Variants in L3MBTL1 observed in about 807,000 individuals in gnomAD.
L3MBTL1 encodes the protein lethal(3)malignant brain tumor-like protein 1.
A neutral mutation model predicts 105.3 loss-of-function variants in L3MBTL1; 75 were observed. The ratio of observed to expected loss-of-function variants is 0.71; its 90% CI spans 0.59 to 0.86. The LOEUF is 0.86. Ranked by LOEUF, L3MBTL1 falls within the 40% of genes least tolerant of loss-of-function variation. The pLI is 0.00. For missense variants in L3MBTL1, 1,069 were observed against 1,126.4 expected (o/e 0.95, Z 0.73); for synonymous variants, 452 against 436.2 (o/e 1.04, Z -0.45).
intron 7 of L3MBTL1, among the ~76,000 whole-genome samples, chr20:43,522,365 TACAGAAA>T (rs574034579): frequency 6.1e-4 from 91 of 149,260 alleles, no homozygotes; most frequent in Non-Finnish European, 1.1e-3. Flanking sequence ...AAAAAAATGA[TACAGAAA>T]GAAGATATAA....
rs556344346 is a variant in L3MBTL1 at position 43,518,262 on chromosome 20, G to T, written c.862+2085G>T. ...TCAGAGTCTTCTGACAGAAGAATCT[G>T]GGGGGTGGGAATGGGGGTTGGGATT... On this transcript the variant is annotated intron_variant, in intron 7 of 21. Transcript: ENST00000418998. Among the ~76,000 whole-genome samples, 88 of 151,826 alleles carry T rather than the reference G, an allele frequency of 5.8e-4. 1 individual carries two copies. The highest frequency in any genetic ancestry group is 2.1e-3 in the African/African-American group (88 of 41,358).
chr20:43,539,175 C>G (rs2019781600), intron 19 of L3MBTL1: 1 of 152,352 alleles, frequency 6.6e-6, no homozygotes, highest in East Asian at 1.9e-4. Flanking sequence ...CAATCTGTGA[C>G]CAACAGGGAG....
rs778205488 is a variant in L3MBTL1, at chr20:43,532,828, T to C, written c.1340T>C (p.Met447Thr). ...ATGAAGCTGGAGGCTGTTGACCGCA[T>C]GAACCCGTCCCTTGTCTGCGTGGCC... The part of the protein sequence containing the change: ...VGMKLEAVDR[M>T]NPSLVCVASV... Residue 447 changes from methionine (M) to threonine (T), a missense_variant, in exon 12 of 22, where the codon ATG becomes ACG. Met to Thr is a moderately conservative substitution (Grantham distance 81, BLOSUM62 -1). Coordinates refer to ENST00000418998, the MANE Select transcript of L3MBTL1 (RefSeq NM_001377303.1). 6.2e-7 allele frequency: 1 copy of C among 1,614,220 alleles called. No homozygotes were observed. The highest frequency in any genetic ancestry group is 8.5e-7 in the Non-Finnish European group (1 of 1,180,030).
Position 43,540,262 on chromosome 20 carries a change from T to G in L3MBTL1, c.2285T>G (p.Val762Gly). 6.2e-7 allele frequency: 1 copy of G among 1,613,506 alleles called. No homozygotes were observed. The highest frequency in any genetic ancestry group is 8.5e-7 in the Non-Finnish European group (1 of 1,179,968). Reference sequence around the variant, plus strand: ...CAGCACTGCAAGCTCCTGCCAGGAGTAGCGGGCATCTCAGCCTCGACAGTC... The same window carrying G: ...CAGCACTGCAAGCTCCTGCCAGGAGGAGCGGGCATCTCAGCCTCGACAGTC... ...WEQHCKLLPG[V>G]AGISASTVAK... is the part of the protein sequence containing the mutation. Residue 762 changes from valine (V) to glycine (G), a missense_variant, in exon 20 of 22, where the codon GTA (valine) becomes GGA (glycine). Transcript: ENST00000418998.
chr20:43,540,396 AC>A, intron 20 of L3MBTL1, 88 bp downstream of exon 20: 6 of 1,423,536 alleles, frequency 4.2e-6, no homozygotes, highest in Non-Finnish European at 5.8e-6. Flanking sequence ...GTCAGGTAGA[AC>A]CCGGTACCAC....
At chr20:43,549,557 C>T (rs1319451803) in exon 19 of L3MBTL1, 1 of 152,352 alleles carries the variant, frequency 6.6e-6, no homozygotes, top group Admixed American at 6.5e-5. Flanking sequence ...CACTGCCAAA[C>T]CTGCCTCCCA....
rs1176059327 is a variant in L3MBTL1, at chr20:43,550,912, G to A, written c.*2667G>A. On this transcript the variant is annotated 3_prime_UTR_variant, in exon 19 of 19. Coordinates refer to the L3MBTL1 transcript ENST00000422861. ...AAACAAAATGTGGTGTGATCTGTCA[G>A]TGTATCAAAACAACATAAATAAACT... 2.0e-5 allele frequency: 3 copies of A among 152,340 alleles called. No individual in the cohort carries two copies. In the South Asian group the frequency reaches 6.2e-4, roughly 32 times the overall value. 9.4% of individuals were successfully genotyped at this position (152,340 alleles called of 1,614,324 possible). A position where few individuals can be genotyped will look rare whatever the true frequency, so the allele number is the denominator to read the frequency against.
At chr20:43,524,201 G>A (rs2018895423) in intron 7 of L3MBTL1, among the ~76,000 whole-genome samples, 2 of 152,098 alleles carry the variant, frequency 1.3e-5, no homozygotes, top group African/African-American at 4.8e-5. Context: ...CTAACTTCAT[G>A]AGACAGATTT....
Position 43,530,339 on chromosome 20 carries a change from T to G in L3MBTL1, c.1112T>G (p.Phe371Cys), listed in dbSNP as rs903257460. ...HFDGYSECHD[F>C]WVNANSPDIH... ...GATGGGTATTCTGAGTGCCATGACT[T>G]CTGGGTCAATGCCAACTCCCCTGAC... The change falls in exon 10 of 22, where the codon TTC becomes TGC. Residue 371 changes from phenylalanine to cysteine, a missense_variant. Physicochemically the swap from Phe to Cys is radical, Grantham distance 205. Coordinates refer to ENST00000418998, the MANE Select transcript of L3MBTL1 (RefSeq NM_001377303.1). The G allele has an allele frequency of 1.2e-6, 2 of 1,614,122 alleles. No individual in the cohort carries two copies. The highest frequency in any genetic ancestry group is 1.7e-6 in the Non-Finnish European group (2 of 1,180,018).
chr20:43,515,421 A>C lies in L3MBTL1; in HGVS notation c.777+6A>C. On this transcript the variant is annotated splice_donor_region_variant and intron_variant, in intron 6 of 21. Coordinates refer to ENST00000418998, the MANE Select transcript of L3MBTL1 (RefSeq NM_001377303.1). ...AGTCGGAGCCAGAGGCCATGGTAGG[A>C]AGAGGGCAGTGGGGAAGGGAGGGGG... The C allele has an allele frequency of 6.4e-7, 1 of 1,554,438 alleles. No homozygotes were observed. The highest frequency in any genetic ancestry group is 8.7e-7 in the Non-Finnish European group (1 of 1,147,846).
chr20:43,533,222 C>T, intron 12 of L3MBTL1, 120 bp from the exon 13 acceptor site: 1 of 861,392 alleles, frequency 1.2e-6, no homozygotes, highest in Non-Finnish European at 1.8e-6. Context: ...TTTGTCCTTG[C>T]CATCTGTCTC....
intron 5 of L3MBTL1, 40 bp from the exon 6 acceptor site, chr20:43,515,252 A>G (rs2018326459): frequency 6.2e-6 from 10 of 1,612,176 alleles, no homozygotes; most frequent in Non-Finnish European, 8.5e-6. Flanking sequence ...TGGGTGGTGC[A>G]GGGCGGGTGG....
At chr20:43,542,891 T>A (rs904464539), downstream of L3MBTL1, among the ~76,000 whole-genome samples, 2 of 152,222 alleles carry the variant, frequency 1.3e-5, no homozygotes, top group Non-Finnish European at 2.9e-5. Flanking sequence ...GTGTTCCATT[T>A]CATGAGTATA....
chr20:43,530,263 T>C (rs756604262), intron 9 of L3MBTL1, 21 bp from the exon 10 acceptor site: 1 of 1,613,484 alleles, frequency 6.2e-7, no homozygotes, highest in Admixed American at 1.7e-5. Context: ...TTGGAGTTCC[T>C]GATTCCCCTC....
chr20:43,514,223 T>G (rs1438185614), intron 3 of L3MBTL1, among the ~76,000 whole-genome samples, 162 bp downstream of exon 3: 3 of 150,996 alleles, frequency 2.0e-5, no homozygotes, highest in Non-Finnish European at 3.0e-5. Context: ...GTGGCTTGAG[T>G]TGAAGCACTC....
Position 43,541,318 on chromosome 20 carries a change from A to G in L3MBTL1, c.*190A>G. The G allele has an allele frequency of 8.8e-7, 1 of 1,140,234 alleles. No homozygotes were observed. 70.6% of individuals were successfully genotyped at this position (1,140,234 alleles called of 1,614,324 possible). ...CTGGGTTTAAATCCCAGTTCTGTCA[A>G]TTTGAGCTGTTTACTGTCTCTGAGC... On this transcript the variant is annotated 3_prime_UTR_variant, in exon 22 of 22. Transcript: ENST00000418998.
chr20:43,525,345 G>A (rs370117448), intron 7 of L3MBTL1, among the ~76,000 whole-genome samples: 1 of 152,148 alleles, frequency 6.6e-6, no homozygotes, highest in Admixed American at 6.5e-5. Context: ...TTCTGGAAGT[G>A]GAGAGAGGAT....
chr20:43,530,422 A>C lies in L3MBTL1; in HGVS notation c.1192+3A>C. 1 of 1,613,928 alleles carries C rather than the reference A, an allele frequency of 6.2e-7. No individual in the cohort carries two copies. The highest frequency in any genetic ancestry group is 1.1e-5 in the South Asian group (1 of 91,070). On this transcript the variant is annotated splice_donor_region_variant and intron_variant, in intron 10 of 21. Coordinates refer to ENST00000418998, the MANE Select transcript of L3MBTL1 (RefSeq NM_001377303.1). The stretch of plus-strand genomic sequence containing the variant: ...CCACAAGCTGCAGCCTCCCAAAGGT[A>C]AGGCCTAGCTGGGTTGGTCACAGTG...
chr20:43,509,053 C>A (rs148654524), intron 1 of L3MBTL1, among the ~76,000 whole-genome samples: 2 of 152,156 alleles, frequency 1.3e-5, no homozygotes, highest in Admixed American at 1.3e-4. Context: ...TCTTCTGAGT[C>A]CCCCCTCACT....
Sources: gnomAD v4.1 joint callset for allele counts (sites outside exome capture counted in the v4.1 genomes callset) on GRCh38, gnomAD v4.1.1 for gene constraint, MANE v1.5 for transcripts, NCBI Gene and HGNC (gene_info 2026-07-23, HGNC 2026-07-21) for gene names.